Variants in PARP14 observed in about 807,000 individuals in gnomAD.
The protein encoded by PARP14 is protein mono-ADP-ribosyltransferase PARP14.
In PARP14, 59 loss-of-function variants were observed where a neutral mutation model predicts 154.2. The ratio of observed to expected loss-of-function variants is 0.38; its 90% CI spans 0.31 to 0.48. The LOEUF is 0.48. PARP14 is among the 20% of genes least tolerant of loss of function. The pLI is 0.98. For synonymous variants in PARP14, 720 were observed against 780.5 expected (o/e 0.92, Z 1.29); for missense variants, 1,734 against 2,131.6 (o/e 0.81, Z 3.67).
chr3:122,718,241 C>T lies in PARP14; in HGVS notation c.4171C>T (p.Leu1391Phe), dbSNP rs548696686. Residue 1391 changes from leucine (L) to phenylalanine (F), a missense_variant, in exon 13 of 17, where the codon CTT (leucine) becomes TTT (phenylalanine). Transcript: ENST00000474629. ...ANMKKREGTQ[L>F]SSQQSVMSKL... ...CATGAAGAAAAGAGAAGGGACTCAG[C>T]TTTCTTCCCAACAGTCTGTGATGTC... 8 of 1,613,548 alleles carry T rather than the reference C, an allele frequency of 5.0e-6. No homozygotes were observed. The East Asian group carries it at 1.8e-4, about 36-fold the overall frequency.
intron 12 of PARP14, among the ~76,000 whole-genome samples, chr3:122,715,596 ATCT>A (rs1560077918): frequency 2.3e-3 from 23 of 9,806 alleles, no homozygotes; most frequent in African/African-American, 8.7e-3. Context: ...TCTACCAGTC[ATCT>A]ATCTATCTAT....
intron 15 of PARP14, among the ~76,000 whole-genome samples, chr3:122,726,997 G>GAAA (rs71136587): frequency 4.5e-5 from 6 of 132,990 alleles, no homozygotes; most frequent in Admixed American, 7.5e-5. Flanking sequence ...CCCAAAACTG[G>GAAA]AAAAAAAAAA....
intron 9 of PARP14, among the ~76,000 whole-genome samples, chr3:122,709,181 G>T (rs1382457299): frequency 6.6e-6 from 1 of 152,052 alleles, no homozygotes; most frequent in Non-Finnish European, 1.5e-5. Context: ...TACCCGTTAT[G>T]TAGTCTTTTA....
chr3:122,718,616 G>A lies in PARP14; in HGVS notation c.4465G>A (p.Asp1489Asn). Reference sequence around the variant, plus strand: ...GAAGTTAAATATTAACATTTCCCTGGACCATAAGAGACCTTTGATTAAGGT... The same window carrying A: ...GAAGTTAAATATTAACATTTCCCTGAACCATAAGAGACCTTTGATTAAGGT... Reference protein sequence around the residue: ...QKKLNINISLDHKRPLIKVLG... With the variant: ...QKKLNINISLNHKRPLIKVLG... Residue 1489 changes from aspartate (D) to asparagine (N), a missense_variant, in exon 14 of 17, where the codon GAC (aspartate) becomes AAC (asparagine). Transcript: ENST00000474629. 1 of 1,613,906 alleles carries A rather than the reference G, an allele frequency of 6.2e-7. No individual in the cohort carries two copies.
At chr3:122,696,694 G>A (rs2107641648) in intron 5 of PARP14, among the ~76,000 whole-genome samples, 1 of 152,236 alleles carries the variant, frequency 6.6e-6, no homozygotes, top group Non-Finnish European at 1.5e-5. Flanking sequence ...GGGCTGTTGG[G>A]TTTGTCCTCA....
At position 122,695,511 on chromosome 3, in the gene PARP14, C is replaced by A. The variant is rs921399087; in HGVS notation, c.684C>A (p.Asn228Lys). The A allele has an allele frequency of 4.3e-6, 7 of 1,610,056 alleles. No individual in the cohort carries two copies. The highest frequency in any genetic ancestry group is 5.9e-6 in the Non-Finnish European group (7 of 1,177,370). ...QLSPRLLEVT[N>K]TIRVENLPPG... is the part of the protein sequence containing the mutation. ...CTCCAAGACTTCTGGAAGTGACAAACACAATCAGGGTTGAAAACCTGCCAC... is the reference window on the plus strand; with the variant it reads ...CTCCAAGACTTCTGGAAGTGACAAAAACAATCAGGGTTGAAAACCTGCCAC... Residue 228 changes from asparagine (N) to lysine (K), a missense_variant, in exon 5 of 17, where the codon AAC becomes AAA. By Grantham distance (94) the Asn-to-Lys change is moderately conservative (BLOSUM62 0). This residue lies in a region of PARP14 where 1,646 missense variants were observed against 1,976.0 expected (regional missense o/e 0.83). Transcript: ENST00000474629.
chr3:122,720,530 A>T (rs1328277259), intron 15 of PARP14, 142 bp downstream of exon 15: 3 of 755,398 alleles, frequency 4.0e-6, no homozygotes, highest in Non-Finnish European at 6.9e-6. Flanking sequence ...GTAGTTCTAG[A>T]TTCTACTCAT....
rs1255075977 is a variant in PARP14, at chr3:122,700,138, G to A, written c.1584G>A (p.Val528=). ...CAAAGTGTGAAATCCAGGAAAAGGT[G>A]TACACCATGGCTCAGAAAAACATTC... is the stretch of plus-strand genomic sequence containing the variant. ...YKAKCEIQEK[V]YTMAQKNIQV... The change falls in exon 6 of 17, where the codon GTG becomes GTA. Residue 528 remains valine (V), a synonymous_variant. Coordinates refer to ENST00000474629, the MANE Select transcript of PARP14 (RefSeq NM_017554.3). 12 of 1,613,460 alleles carry A rather than the reference G, an allele frequency of 7.4e-6. 1 individual carries two copies. The African/African-American group carries it at 1.3e-4, about 18-fold the overall frequency.
chr3:122,686,305 C>A (rs912499954), intron 2 of PARP14, among the ~76,000 whole-genome samples: 16 of 151,860 alleles, frequency 1.1e-4, no homozygotes, highest in Non-Finnish European at 2.2e-4. Flanking sequence ...AGGCACATGC[C>A]ACCACACCTG....
chr3:122,701,200 G>T lies in PARP14; in HGVS notation c.2646G>T (p.Gly882=). Residue 882 remains glycine (G), a synonymous_variant, in exon 6 of 17, where the codon GGG becomes GGT. Transcript: ENST00000474629. This position sits in a 1 kb window ranked among gnomAD's most constrained non-coding sequence, Gnocchi z 4.0. ...ACCACCACGTGATCCATGCAGTGGG[G>T]CCCCGCTGGAGCGGATATGAGGCCC... ...LPYHHVIHAV[G]PRWSGYEAPR... 1 of 1,613,566 alleles carries T rather than the reference G, an allele frequency of 6.2e-7. No individual in the cohort carries two copies. The highest frequency in any genetic ancestry group is 2.2e-5 in the East Asian group (1 of 44,874).
In PARP14 at chr3:122,699,382, C is replaced by A; in HGVS notation, c.836-8C>A. 1 of 1,554,926 alleles carries A rather than the reference C, an allele frequency of 6.4e-7. No homozygotes were observed. On this transcript the variant is annotated splice_region_variant and splice_polypyrimidine_tract_variant and intron_variant, in intron 5 of 16. Coordinates refer to ENST00000474629, the MANE Select transcript of PARP14 (RefSeq NM_017554.3). ...GGGCTTACATTATTTTACTTCTTTC[C>A]TTTTAAGTGTTAGACACCATCATGG...
At position 122,701,487 on chromosome 3, in the gene PARP14, T is replaced by C; in HGVS notation, c.2933T>C (p.Phe978Ser). ...TTTGCAGAAGCTGTGAAAACTGTAT[T>C]TAAAGCCACCCTGCCAGATACAGCT... ...EAFAEAVKTV[F>S]KATLPDTAAP... Residue 978 changes from phenylalanine to serine, a missense_variant, in exon 6 of 17, where the codon TTT (phenylalanine) becomes TCT (serine). Coordinates refer to ENST00000474629, the MANE Select transcript of PARP14 (RefSeq NM_017554.3). This position sits in a 1 kb window ranked among gnomAD's most constrained non-coding sequence, Gnocchi z 4.0. 1.9e-6 allele frequency: 3 copies of C among 1,613,896 alleles called. No homozygotes were observed. Among genetic ancestry groups the C allele is most frequent in the Non-Finnish European group, 2.5e-6 (3 of 1,179,834 alleles).
At chr3:122,722,609 A>G (rs1459945418) in intron 15 of PARP14, 1 of 152,156 alleles carries the variant, frequency 6.6e-6, no homozygotes, top group Non-Finnish European at 1.5e-5. Context: ...AGGTGTGGGT[A>G]GTACTTAAGG....
At chr3:122,722,921 A>G (rs1164392779) in intron 15 of PARP14, among the ~76,000 whole-genome samples, 2 of 150,688 alleles carry the variant, frequency 1.3e-5, no homozygotes, top group Non-Finnish European at 2.9e-5. Flanking sequence ...AGTAATATCC[A>G]ATATGCATTT....
In PARP14 at chr3:122,687,067, G is replaced by T; in HGVS notation, c.322-13G>T. ...AATCATGTATTAATGCTACTTTATT[G>T]TTTGTGTTTCAGGAATCCAAGACCA... On this transcript the variant is annotated splice_polypyrimidine_tract_variant and intron_variant, in intron 2 of 16. Transcript: ENST00000474629. 1 of 1,570,562 alleles carries T rather than the reference G, an allele frequency of 6.4e-7. No homozygotes were observed. Among genetic ancestry groups the T allele is most frequent in the Non-Finnish European group, 8.7e-7 (1 of 1,149,438 alleles).
At chr3:122,725,795 G>T (rs1933274654) in intron 15 of PARP14, among the ~76,000 whole-genome samples, 1 of 152,058 alleles carries the variant, frequency 6.6e-6, no homozygotes, top group Non-Finnish European at 1.5e-5. Flanking sequence ...TTACTGATAT[G>T]TTTGGGTTTA....
Position 122,718,355 on chromosome 3 carries a change from T to A in PARP14, c.4208-4T>A. ...GAAATACCTAATCTTCCTTTTCTTT[T>A]TAGCATTTTTGGGCTTTTCAAAGCA... On this transcript the variant is annotated splice_polypyrimidine_tract_variant and splice_region_variant and intron_variant, in intron 13 of 16. Transcript: ENST00000474629. The A allele has an allele frequency of 6.2e-7, 1 of 1,610,730 alleles. No individual in the cohort carries two copies. The highest frequency in any genetic ancestry group is 8.5e-7 in the Non-Finnish European group (1 of 1,178,652).
Position 122,681,280 on chromosome 3 carries a change from C to A in PARP14, c.187+210C>A. ...TTCCCCGGCGCCCTGCGCTTCCAGG[C>A]GCTTAATGGCGCGGCCCGGAGGTGG... On this transcript the variant is annotated intron_variant, in intron 1 of 16. Coordinates refer to ENST00000474629, the MANE Select transcript of PARP14 (RefSeq NM_017554.3). The surrounding 1 kb of genome is among the most constrained non-coding windows in gnomAD (Gnocchi z 5.5). Among the ~76,000 whole-genome samples the A allele has an allele frequency of 6.7e-6, 1 of 150,284 alleles. No homozygotes were observed. Among genetic ancestry groups the A allele is most frequent in the Middle Eastern group, 3.7e-3 (1 of 268 alleles).
intron 3 of PARP14, among the ~76,000 whole-genome samples, chr3:122,689,430 T>G (rs1938473168): frequency 6.6e-6 from 1 of 152,176 alleles, no homozygotes; most frequent in African/African-American, 2.4e-5. Flanking sequence ...AGCAGCCTCC[T>G]AAGTAGCTGG....
Sources: allele counts gnomAD v4.1 joint callset (sites outside exome capture counted in the v4.1 genomes callset), GRCh38; gene constraint gnomAD v4.1.1; regional missense constraint gnomAD v4.1.1; non-coding constraint Gnocchi (gnomAD v3.1); transcripts MANE v1.5; gene names NCBI Gene and HGNC (gene_info 2026-07-23, HGNC 2026-07-21).